The following CTIF variants were observed in gnomAD, a reference collection of about 807,000 sequenced individuals.
CTIF encodes the protein cap binding complex dependent translation initiation factor.
In CTIF, 21 loss-of-function variants were observed where a neutral mutation model predicts 66.0. The ratio of observed to expected loss-of-function variants is 0.32; its 90% CI spans 0.23 to 0.46. The LOEUF (loss-of-function observed/expected upper bound fraction) is 0.46. CTIF is among the 20% of genes least tolerant of loss of function. The pLI, the probability that CTIF is intolerant of heterozygous loss-of-function variation, is 1.00. For missense variants in CTIF, 739 were observed against 812.7 expected (o/e 0.91, Z 1.10); for synonymous variants, 345 against 326.4 (o/e 1.06, Z -0.62).
At chr18:48,705,210 G>A (rs550591164) in intron 6 of CTIF, among the ~76,000 whole-genome samples, 8 of 152,180 alleles carry the variant, frequency 5.3e-5, no homozygotes, top group East Asian at 1.9e-4. Context: ...GGTGTTGGCC[G>A]GGCTGCGCTC....
chr18:48,760,920 T>G, intron 8 of CTIF: 1 of 157,418 alleles, frequency 6.4e-6, no homozygotes, highest in Non-Finnish European at 1.4e-5. Context: ...GCTGAGGGTG[T>G]AGGGGACAAG....
At chr18:48,816,132 G>A (rs76279841) in intron 9 of CTIF, among the ~76,000 whole-genome samples, 3 of 152,066 alleles carry the variant, frequency 2.0e-5, no homozygotes, top group African/African-American at 4.8e-5. Context: ...AGGCCCTGTC[G>A]CATATGTTGC....
At chr18:48,790,824 C>T (rs1166475750) in intron 9 of CTIF, among the ~76,000 whole-genome samples, 1 of 152,214 alleles carries the variant, frequency 6.6e-6, no homozygotes, top group Non-Finnish European at 1.5e-5. Context: ...CATAGGCCAC[C>T]TCGTGCTGGG....
chr18:48,840,882 C>A (rs2068924895), intron 10 of CTIF, among the ~76,000 whole-genome samples: 1 of 143,830 alleles, frequency 7.0e-6, no homozygotes, highest in South Asian at 2.5e-4. Context: ...CCCCCACCCC[C>A]ACCCCAGAAG....
chr18:48,557,343 G>A (rs1370365711), intron 1 of CTIF, among the ~76,000 whole-genome samples: 1 of 152,200 alleles, frequency 6.6e-6, no homozygotes, highest in East Asian at 1.9e-4. Flanking sequence ...CAGAGCTTTT[G>A]GATGAGGGAT....
chr18:48,567,476 G>A (rs1288135433), intron 1 of CTIF: 1 of 152,224 alleles, frequency 6.6e-6, no homozygotes, highest in Non-Finnish European at 1.5e-5. Context: ...TTGTGCCTGG[G>A]TACATGGTGC....
rs2089639056 is a variant in CTIF at position 48,580,860 on chromosome 18, C to T, written c.-28-38678C>T. Among the ~76,000 whole-genome samples, 11 of 152,362 alleles carry T rather than the reference C, an allele frequency of 7.2e-5. No individual in the cohort carries two copies. The South Asian group carries it at 2.3e-3, about 32-fold the overall frequency. On this transcript the variant is annotated intron_variant, in intron 1 of 11. Coordinates refer to ENST00000256413, the MANE Select transcript of CTIF (RefSeq NM_014772.3). ...TGAACCTCAGAGGAGGACAAGTCCCCTGCCTGGCAGGATGTGGATTCACCA... is the reference window on the plus strand; with the variant it reads ...TGAACCTCAGAGGAGGACAAGTCCCTTGCCTGGCAGGATGTGGATTCACCA...
chr18:48,591,162 C>A (rs150727056), intron 1 of CTIF, among the ~76,000 whole-genome samples: 7 of 152,238 alleles, frequency 4.6e-5, no homozygotes, highest in Middle Eastern at 3.4e-3. Flanking sequence ...ACTGGCTGAC[C>A]CATCTCATGT....
chr18:48,625,992 TTTTC>T (rs199561272), intron 2 of CTIF, among the ~76,000 whole-genome samples: 6,461 of 142,770 alleles, frequency 0.045, 165 homozygotes, highest in South Asian at 0.081. Flanking sequence ...TCTTATTTCT[TTTTC>T]TTTCTTTTTT....
chr18:48,569,029 C>A lies in CTIF; in HGVS notation c.-29+29717C>A, dbSNP rs1239683283. ...TGCTGATGGTCACCTTCTTGCAGTG[C>A]CCTCATGTGATTTTTCCTCTGGCTC... is the stretch of plus-strand genomic sequence containing the variant. On this transcript the variant is annotated intron_variant, in intron 1 of 11. Coordinates refer to ENST00000256413, the MANE Select transcript of CTIF (RefSeq NM_014772.3). Among the ~76,000 whole-genome samples, 6 of 152,232 alleles carry A rather than the reference C, an allele frequency of 3.9e-5. No individual in the cohort carries two copies. In the East Asian group the frequency reaches 1.2e-3, roughly 29 times the overall value.
intron 7 of CTIF, among the ~76,000 whole-genome samples, chr18:48,737,368 C>T (rs2145717171): frequency 6.6e-6 from 1 of 152,332 alleles, no homozygotes; most frequent in East Asian, 1.9e-4. Flanking sequence ...CACGAAGAAG[C>T]AGTGAGGTCA....
intron 1 of CTIF, among the ~76,000 whole-genome samples, chr18:48,595,459 G>C (rs748879648): frequency 2.0e-4 from 30 of 152,074 alleles, no homozygotes; most frequent in Admixed American, 4.6e-4. Flanking sequence ...CAGGGTCTCA[G>C]TCTGTCACCC....
At chr18:48,751,112 T>A (rs1907768865) in intron 7 of CTIF, among the ~76,000 whole-genome samples, 2 of 152,220 alleles carry the variant, frequency 1.3e-5, no homozygotes, top group African/African-American at 2.4e-5. Flanking sequence ...ACATGCTAGC[T>A]ATGAACCATT....
In CTIF at chr18:48,798,667, C is replaced by G. The variant is rs559894655; in HGVS notation, c.1372-18554C>G. ...TACATTATAGCCCCCTCTCTTAATG[C>G]GCTCCCCAGTATTTCTCAAGTGCCT... On this transcript the variant is annotated intron_variant, in intron 9 of 11. Transcript: ENST00000256413. Among the ~76,000 whole-genome samples the G allele has an allele frequency of 2.2e-4, 33 of 152,334 alleles. No individual in the cohort carries two copies. The East Asian group carries it at 4.8e-3, about 22-fold the overall frequency.
chr18:48,786,502 G>GGA (rs1443657836), intron 9 of CTIF, among the ~76,000 whole-genome samples: 9 of 152,314 alleles, frequency 5.9e-5, no homozygotes, highest in African/African-American at 2.2e-4. Context: ...GGTGACGTTA[G>GGA]AGTTGTTAGG....
intron 7 of CTIF, among the ~76,000 whole-genome samples, chr18:48,723,012 A>G (rs1035392896): frequency 6.6e-6 from 1 of 152,224 alleles, no homozygotes; most frequent in African/African-American, 2.4e-5. Context: ...TAGTCTTCCC[A>G]ATGACCTTAG....
chr18:48,554,542 G>GC (rs1452860909), intron 1 of CTIF, among the ~76,000 whole-genome samples: 1 of 152,246 alleles, frequency 6.6e-6, no homozygotes, highest in African/African-American at 2.4e-5. Flanking sequence ...AGGGCTGAAA[G>GC]CCCCCTGAAG....
chr18:48,667,082 GACACACACACACAC>G (rs4044188), intron 5 of CTIF, among the ~76,000 whole-genome samples: 62 of 142,278 alleles, frequency 4.4e-4, no homozygotes, highest in Middle Eastern at 3.5e-3. Flanking sequence ...CAGGAAAGTA[GACACACACACACAC>G]ACACACACAC....
chr18:48,763,168 G>A (rs1187970441), intron 9 of CTIF, among the ~76,000 whole-genome samples: 1 of 152,198 alleles, frequency 6.6e-6, no homozygotes, highest in African/African-American at 2.4e-5. Context: ...ATCAGCCTAT[G>A]GTCTCGGCTT....
Sources: allele counts gnomAD v4.1 joint callset (sites outside exome capture counted in the v4.1 genomes callset), GRCh38; gene constraint gnomAD v4.1.1; transcripts MANE v1.5; gene names NCBI Gene and HGNC (gene_info 2026-07-23, HGNC 2026-07-21).